Variants in ARNT observed in about 807,000 individuals in gnomAD.
The protein encoded by ARNT is aryl hydrocarbon receptor nuclear translocator.
A neutral mutation model predicts 105.0 loss-of-function variants in ARNT; 30 were observed. The ratio of observed to expected loss-of-function variants is 0.29; its 90% CI spans 0.21 to 0.39. ARNT has a LOEUF of 0.39. ARNT is among the 10% of genes least tolerant of loss of function. ARNT has a pLI of 1.00. For synonymous variants in ARNT, 304 were observed against 344.0 expected, an observed-to-expected ratio of 0.88 and a Z score of 1.29; for missense variants, 748 against 978.7, an observed-to-expected ratio of 0.76 and a Z score of 3.15.
At chr1:150,872,968 A>G (rs587743463) in intron 1 of ARNT, among the ~76,000 whole-genome samples, 27 of 151,714 alleles carry the variant, frequency 1.8e-4, no homozygotes, top group African/African-American at 6.0e-4. Context: ...TCCTATGGGG[A>G]AAAAAAATGT....
chr1:150,827,643 CAAATCT>C (rs1658545289), intron 12 of ARNT, among the ~76,000 whole-genome samples: 3 of 152,046 alleles, frequency 2.0e-5, no homozygotes, highest in Non-Finnish European at 4.4e-5. Context: ...GAACTGTGTA[CAAATCT>C]ATGGGTGAAC....
intron 4 of ARNT, among the ~76,000 whole-genome samples, chr1:150,843,595 G>A (rs587617916): frequency 2.8e-4 from 42 of 152,296 alleles, no homozygotes; most frequent in African/African-American, 9.6e-4. Flanking sequence ...CAGCAGTTTA[G>A]AGTTTTACAT....
intron 18 of ARNT, among the ~76,000 whole-genome samples, 161 bp downstream of exon 18, chr1:150,816,627 A>T (rs1352336793): frequency 6.6e-6 from 1 of 152,178 alleles, no homozygotes; most frequent in Non-Finnish European, 1.5e-5. Context: ...AGGTGCAAAG[A>T]AATAGGAGGA....
intron 1 of ARNT, among the ~76,000 whole-genome samples, chr1:150,867,820 G>A (rs1287460160): frequency 6.6e-6 from 1 of 152,048 alleles, no homozygotes; most frequent in African/African-American, 2.4e-5. Context: ...GTTTGAAAGT[G>A]TGTAGCACCT....
rs997552731 is a variant in ARNT, at chr1:150,829,110, C to G, written c.1150G>C (p.Val384Leu). 1.9e-6 allele frequency: 3 copies of G among 1,613,948 alleles called. No homozygotes were observed. In the Admixed American group the frequency reaches 5.0e-5, roughly 27 times the overall value. The change falls in exon 12 of 22, where the codon GTT (valine) becomes CTT (leucine). Residue 384 changes from valine to leucine, a missense_variant. Coordinates refer to ENST00000358595, the MANE Select transcript of ARNT (RefSeq NM_001668.4). The part of the protein sequence containing the change: ...TFVDHRCVAT[V>L]GYQPQELLGK... The stretch of plus-strand genomic sequence containing the variant: ...CTCCTCACCTGTGGCTGGTAGCCAA[C>G]AGTAGCCACACAGCGGTGATCCACA...
At chr1:150,876,402 G>C in intron 1 of ARNT, 141 bp downstream of exon 1, 2 of 1,211,202 alleles carry the variant, frequency 1.7e-6, no homozygotes, top group Non-Finnish European at 1.1e-6. Flanking sequence ...CCAGGTCACC[G>C]CTCCCCCACC....
chr1:150,858,817 C>A (rs1268200683), intron 1 of ARNT, among the ~76,000 whole-genome samples: 2 of 147,882 alleles, frequency 1.4e-5, no homozygotes, highest in Non-Finnish European at 1.5e-5. Context: ...GAGATGGGGT[C>A]TTGATATGTT....
chr1:150,860,255 G>T (rs1398284001), intron 1 of ARNT, among the ~76,000 whole-genome samples: 1 of 128,316 alleles, frequency 7.8e-6, no homozygotes, highest in African/African-American at 3.1e-5. Context: ...TCACTCTGTC[G>T]CCCAGGCTGG....
intron 8 of ARNT, among the ~76,000 whole-genome samples, chr1:150,833,503 T>TAAATAA: frequency 6.6e-6 from 1 of 151,910 alleles, no homozygotes; most frequent in East Asian, 1.9e-4. Flanking sequence ...AAAAAATAAA[T>TAAATAA]AAATAAAAAT....
chr1:150,860,811 C>T (rs1377262851), intron 1 of ARNT, among the ~76,000 whole-genome samples: 1 of 151,718 alleles, frequency 6.6e-6, no homozygotes, highest in Non-Finnish European at 1.5e-5. Context: ...GAACCAAGAT[C>T]GCACCACTGC....
chr1:150,861,221 A>G, intron 1 of ARNT: 1 of 332,286 alleles, frequency 3.0e-6, no homozygotes, highest in Non-Finnish European at 5.9e-6. Flanking sequence ...AAAATTAAAA[A>G]TAAAACTGGG....
At chr1:150,816,984 A>C in intron 17 of ARNT, 94 bp from the exon 18 acceptor site, 1 of 1,603,644 alleles carries the variant, frequency 6.2e-7, no homozygotes, top group Admixed American at 1.7e-5. Flanking sequence ...ATTATGATTA[A>C]GTGGAAAAAC....
At chr1:150,849,217 G>C (rs1662847876) in intron 3 of ARNT, among the ~76,000 whole-genome samples, 1 of 151,684 alleles carries the variant, frequency 6.6e-6, no homozygotes, top group Non-Finnish European at 1.5e-5. Flanking sequence ...AAAAAAGAAA[G>C]AAAGAAAATA....
intron 2 of ARNT, among the ~76,000 whole-genome samples, chr1:150,855,105 T>G (rs1383362367): frequency 6.6e-6 from 1 of 152,064 alleles, no homozygotes; most frequent in Non-Finnish European, 1.5e-5. Context: ...CCAATAACTC[T>G]ATTTCTAAGA....
chr1:150,864,142 G>A (rs2102380261), intron 1 of ARNT, among the ~76,000 whole-genome samples: 1 of 152,262 alleles, frequency 6.6e-6, no homozygotes. Context: ...CTATAACTCA[G>A]TGGTAACTAT....
intron 19 of ARNT, among the ~76,000 whole-genome samples, chr1:150,814,471 G>A (rs966913713): frequency 2.0e-5 from 3 of 152,082 alleles, no homozygotes; most frequent in African/African-American, 4.8e-5. Flanking sequence ...AATAAAAATT[G>A]TAAGAATTAA....
At chr1:150,866,171 C>T (rs967263573) in intron 1 of ARNT, among the ~76,000 whole-genome samples, 24 of 152,068 alleles carry the variant, frequency 1.6e-4, no homozygotes, top group African/African-American at 4.3e-4. Context: ...TTAGTAGAGA[C>T]GGGGTTTCAC....
In ARNT at chr1:150,814,085, G is replaced by C; in HGVS notation, c.2105C>G (p.Ser702Cys). Residue 702 changes from serine to cysteine, a missense_variant, in exon 20 of 22, where the codon TCT becomes TGT. By Grantham distance (112) the Ser-to-Cys change is moderately radical. Coordinates refer to ENST00000358595, the MANE Select transcript of ARNT (RefSeq NM_001668.4). Reference sequence around the variant, plus strand: ...TTATGGTCTGGACTCACCAAAGTTAGATCCACGATTGGTGAGACTAGGGTA... The same window carrying C: ...TTATGGTCTGGACTCACCAAAGTTACATCCACGATTGGTGAGACTAGGGTA... ...AAYPSLTNRG[S>C]NFAPETGQTA... 2.5e-6 allele frequency: 4 copies of C among 1,614,116 alleles called. No individual in the cohort carries two copies. Among genetic ancestry groups the C allele is most frequent in the Non-Finnish European group, 3.4e-6 (4 of 1,180,010 alleles).
chr1:150,850,094 A>G (rs1161329980), intron 3 of ARNT, among the ~76,000 whole-genome samples: 1 of 152,146 alleles, frequency 6.6e-6, no homozygotes, highest in African/African-American at 2.4e-5. Context: ...AAGCTCCAGA[A>G]TATTAACAAC....
Sources: allele counts gnomAD v4.1 joint callset (sites outside exome capture counted in the v4.1 genomes callset), GRCh38; gene constraint gnomAD v4.1.1; transcripts MANE v1.5; gene names NCBI Gene and HGNC (gene_info 2026-07-23, HGNC 2026-07-21).